GAS7: variants seen among roughly 807,000 people sequenced by gnomAD.
GAS7 encodes growth arrest specific 7.
A neutral mutation model predicts 71.1 loss-of-function variants in GAS7; 28 were observed. The observed-to-expected ratio is 0.39, with a 90% CI of 0.29 to 0.54. The LOEUF is 0.54. GAS7 is among the 20% of genes least tolerant of loss of function. The pLI is 0.62. For missense variants in GAS7, 436 were observed against 627.8 expected, an observed-to-expected ratio of 0.69 and a Z score of 3.27; for synonymous variants, 258 against 245.8, an observed-to-expected ratio of 1.05 and a Z score of -0.46.
At chr17:10,162,064 C>T (rs1290072130) in intron 1 of GAS7, among the ~76,000 whole-genome samples, 1 of 53,548 alleles carries the variant, frequency 1.9e-5, no homozygotes, top group Non-Finnish European at 3.2e-5. Context: ...AAGACTCCAT[C>T]TCAAAAAAAA....
At chr17:9,958,291 G>C (rs2069330496) in intron 5 of GAS7, among the ~76,000 whole-genome samples, 1 of 152,218 alleles carries the variant, frequency 6.6e-6, no homozygotes, top group African/African-American at 2.4e-5. Context: ...TGAGCCACTT[G>C]GATCACTACA....
chr17:10,163,570 A>G (rs1264445335), intron 1 of GAS7, among the ~76,000 whole-genome samples: 1 of 152,190 alleles, frequency 6.6e-6, no homozygotes, highest in Non-Finnish European at 1.5e-5. Flanking sequence ...CATCTAACAT[A>G]TTTTAAATTA....
At position 9,918,055 on chromosome 17, in the gene GAS7, C is replaced by T. The variant is rs35312933; in HGVS notation, c.1263G>A (p.Gln421=). The change falls in exon 13 of 14, where the codon CAG becomes CAA. Residue 421 remains glutamine, a synonymous_variant. Coordinates refer to ENST00000432992, the MANE Select transcript of GAS7 (RefSeq NM_201433.2). The part of the protein sequence containing the change: ...LEVERVEMIR[Q]HLCQYTQLRH... ...GCAGCTGCGTGTACTGGCACAGGTGCTGCCGGATCATCTCTACCCTCTCCA... is the reference window on the plus strand; with the variant it reads ...GCAGCTGCGTGTACTGGCACAGGTGTTGCCGGATCATCTCTACCCTCTCCA... 17,040 of 1,613,852 alleles carry T rather than the reference C, an allele frequency of 0.011. 479 individuals are homozygous for T. Among genetic ancestry groups the T allele is most frequent in the African/African-American group, 0.098 (7,348 of 74,992 alleles).
intron 1 of GAS7, among the ~76,000 whole-genome samples, chr17:10,157,661 T>C (rs944745511): frequency 6.6e-6 from 1 of 152,212 alleles, no homozygotes; most frequent in African/African-American, 2.4e-5. Flanking sequence ...TTCCAGTTAA[T>C]AGTAGACACT....
intron 1 of GAS7, among the ~76,000 whole-genome samples, chr17:10,175,947 C>A (rs946322689): frequency 6.6e-6 from 1 of 152,176 alleles, no homozygotes; most frequent in Non-Finnish European, 1.5e-5. Context: ...CCTGACTGTC[C>A]CCTGGGGCCC....
At chr17:10,169,856 A>G (rs952169694) in intron 1 of GAS7, among the ~76,000 whole-genome samples, 4 of 152,176 alleles carry the variant, frequency 2.6e-5, no homozygotes, top group Admixed American at 2.0e-4. Flanking sequence ...TTACTTGAAC[A>G]TATATAGGAA....
At chr17:10,110,740 G>A (rs979897026) in intron 1 of GAS7, among the ~76,000 whole-genome samples, 2 of 152,160 alleles carry the variant, frequency 1.3e-5, no homozygotes, top group Admixed American at 6.5e-5. Flanking sequence ...CCAAAGTGCT[G>A]GGATTACAGG....
intron 2 of GAS7, among the ~76,000 whole-genome samples, chr17:10,008,531 G>A (rs1019925117): frequency 4.6e-5 from 7 of 152,192 alleles, no homozygotes; most frequent in Non-Finnish European, 1.0e-4. Flanking sequence ...AAGCCACTTG[G>A]CATTTGCCAC....
At chr17:10,128,414 C>T (rs1038054026) in intron 1 of GAS7, among the ~76,000 whole-genome samples, 6 of 152,164 alleles carry the variant, frequency 3.9e-5, no homozygotes, top group African/African-American at 1.4e-4. Flanking sequence ...CACAAACCCA[C>T]AGCCCGGGAT....
At chr17:10,107,960 G>A (rs1039280233) in intron 1 of GAS7, among the ~76,000 whole-genome samples, 1 of 152,082 alleles carries the variant, frequency 6.6e-6, no homozygotes, top group Non-Finnish European at 1.5e-5. Flanking sequence ...GTGGGAGCTG[G>A]GCAGGAGAAC....
rs1026869268 is a variant in GAS7, at chr17:9,919,135, G to T, written c.1218+491C>A. ...CTGCCCCTTTACAAGAAATACTCAA[G>T]AGCATCATCGGCCCTGCCGCCTGTT... On this transcript the variant is annotated intron_variant, in intron 12 of 13. Coordinates refer to ENST00000432992, the MANE Select transcript of GAS7 (RefSeq NM_201433.2). This position sits in a 1 kb window ranked among gnomAD's most constrained non-coding sequence, Gnocchi z 5.0. Among the ~76,000 whole-genome samples the T allele has an allele frequency of 2.0e-5, 3 of 151,988 alleles. No individual in the cohort carries two copies. The highest frequency in any genetic ancestry group is 2.0e-4 in the Admixed American group (3 of 15,246).
intron 1 of GAS7, among the ~76,000 whole-genome samples, chr17:10,125,477 A>T (rs2073937217): frequency 6.8e-6 from 1 of 146,744 alleles, no homozygotes; most frequent in Non-Finnish European, 1.5e-5. Flanking sequence ...AGATGGTGCC[A>T]TTGCACTCTT....
chr17:9,924,275 G>C (rs2067918330), intron 11 of GAS7, among the ~76,000 whole-genome samples: 1 of 152,136 alleles, frequency 6.6e-6, no homozygotes, highest in South Asian at 2.1e-4. Flanking sequence ...CTGGGTTCAA[G>C]CCATCCTCCA....
chr17:9,927,316 C>CACACAT (rs60101494), intron 9 of GAS7, among the ~76,000 whole-genome samples: 2,344 of 149,998 alleles, frequency 0.016, 68 homozygotes, highest in African/African-American at 0.055. Flanking sequence ...CACACACACA[C>CACACAT]ACACACACAC....
intron 7 of GAS7, among the ~76,000 whole-genome samples, chr17:9,942,430 AG>A (rs1173585294): frequency 6.6e-6 from 1 of 152,038 alleles, no homozygotes; most frequent in Non-Finnish European, 1.5e-5. Flanking sequence ...ACAGAGAGAG[AG>A]GAGGAAGGAG....
chr17:10,123,317 A>C (rs2073919550), intron 1 of GAS7, among the ~76,000 whole-genome samples: 1 of 152,202 alleles, frequency 6.6e-6, no homozygotes, highest in Non-Finnish European at 1.5e-5. Context: ...GGACCTGGGA[A>C]TATGCAGCTC....
At chr17:9,978,132 C>T (rs567051519) in intron 3 of GAS7, among the ~76,000 whole-genome samples, 5 of 151,934 alleles carry the variant, frequency 3.3e-5, no homozygotes, top group Admixed American at 6.6e-5. Context: ...GAGAATCCCT[C>T]GAGCCCAGGA....
chr17:10,122,879 G>A (rs565169077), intron 1 of GAS7, among the ~76,000 whole-genome samples: 1 of 152,222 alleles, frequency 6.6e-6, no homozygotes, highest in South Asian at 2.1e-4. Flanking sequence ...CACCCAGGTT[G>A]GAGTGCAGTG....
At chr17:9,971,100 A>G (rs923834281) in intron 3 of GAS7, among the ~76,000 whole-genome samples, 2 of 152,214 alleles carry the variant, frequency 1.3e-5, no homozygotes. Context: ...TCATTTAAAA[A>G]AGGGAAGGAT....
Sources: allele counts gnomAD v4.1 joint callset (sites outside exome capture counted in the v4.1 genomes callset), GRCh38; gene constraint gnomAD v4.1.1; non-coding constraint Gnocchi (gnomAD v3.1); transcripts MANE v1.5; gene names NCBI Gene and HGNC (gene_info 2026-07-23, HGNC 2026-07-21).